Variants in SANBR observed in about 807,000 individuals in gnomAD.
SANBR encodes SANT and BTB domain regulator of class switch recombination.
Under a neutral mutation model 101.8 loss-of-function variants are expected in SANBR, and 77 were observed. That is an observed-to-expected ratio of 0.76 (90% CI 0.63 to 0.91). The LOEUF (loss-of-function observed/expected upper bound fraction) is 0.91. SANBR is among the 40% of genes least tolerant of loss of function. The pLI, the probability that SANBR is intolerant of heterozygous loss-of-function variation, is 0.00. For synonymous variants in SANBR, 279 were observed against 274.7 expected (o/e 1.02, Z -0.15); for missense variants, 875 against 853.0 (o/e 1.03, Z -0.32).
chr2:61,119,604 G>A (rs1438950715), intron 20 of SANBR, among the ~76,000 whole-genome samples: 2 of 152,076 alleles, frequency 1.3e-5, no homozygotes, highest in Non-Finnish European at 2.9e-5. Context: ...TGCCAGATAA[G>A]CATATATCAT....
At chr2:61,106,483 C>T (rs2104938107) in intron 13 of SANBR, 80 bp from the exon 14 acceptor site, 2 of 837,488 alleles carry the variant, frequency 2.4e-6, no homozygotes, top group East Asian at 3.5e-5. Context: ...ATTTTTGAAA[C>T]ATTTGTAATA....
chr2:61,106,390 CAAAAAAAAAAA>C (rs11364653), intron 13 of SANBR, among the ~76,000 whole-genome samples, 162 bp from the exon 14 acceptor site: 1 of 63,262 alleles, frequency 1.6e-5, no homozygotes, highest in Non-Finnish European at 2.8e-5. Flanking sequence ...GACTCCATCT[CAAAAAAAAAAA>C]AAAAAAAAAA....
chr2:61,113,871 G>A (rs1308460013), intron 16 of SANBR, among the ~76,000 whole-genome samples: 1 of 152,202 alleles, frequency 6.6e-6, no homozygotes, highest in Non-Finnish European at 1.5e-5. Flanking sequence ...AATGTCAGTT[G>A]TCAGCTTCCC....
intron 16 of SANBR, among the ~76,000 whole-genome samples, chr2:61,114,953 G>A (rs1684004352): frequency 2.0e-5 from 3 of 152,154 alleles, no homozygotes; most frequent in Admixed American, 1.3e-4. Flanking sequence ...CACCATGCCT[G>A]GGCTTACTTG....
chr2:61,085,606 G>A (rs551946143), intron 8 of SANBR, among the ~76,000 whole-genome samples: 1 of 151,896 alleles, frequency 6.6e-6, no homozygotes. Context: ...CGCCTCCCAG[G>A]TTCAAGCAAT....
intron 15 of SANBR, 138 bp downstream of exon 15, chr2:61,108,487 G>A (rs1014499403): frequency 1.8e-6 from 1 of 541,436 alleles, no homozygotes; most frequent in African/African-American, 2.0e-5. Context: ...CTCCTATTTT[G>A]CACTTAAGTA....
At chr2:61,073,174 C>T (rs1235668506) in intron 4 of SANBR, among the ~76,000 whole-genome samples, 2 of 152,158 alleles carry the variant, frequency 1.3e-5, no homozygotes, top group Non-Finnish European at 2.9e-5. Context: ...AAAGAGAAAA[C>T]TATGCTGTTG....
intron 21 of SANBR, among the ~76,000 whole-genome samples, chr2:61,136,373 G>T (rs960004159): frequency 6.6e-6 from 1 of 151,714 alleles, no homozygotes; most frequent in African/African-American, 2.4e-5. Context: ...AGTGGCTCAC[G>T]CCTGTAATCC....
intron 11 of SANBR, among the ~76,000 whole-genome samples, chr2:61,092,919 G>A (rs535820440): frequency 7.2e-5 from 11 of 151,872 alleles, no homozygotes; most frequent in Admixed American, 7.2e-4. Context: ...GGATCACGAG[G>A]TCAGGAAATC....
intron 6 of SANBR, among the ~76,000 whole-genome samples, chr2:61,078,429 CT>C (rs35240642): frequency 3.4e-5 from 5 of 148,914 alleles, no homozygotes; most frequent in African/African-American, 4.9e-5. Context: ...ACTCTTTACT[CT>C]TTTTTTTTTG....
Position 61,123,828 on chromosome 2 carries a change from A to C in SANBR, c.*1666A>C, listed in dbSNP as rs1211495595. On this transcript the variant is annotated 3_prime_UTR_variant, in exon 22 of 22. Transcript: ENST00000402291. ...TGCTTTTGGCCAGGTGTAGTGGCTC[A>C]CGCCAGTAATCCCAGCACTTTGGGA... 1 of 979,932 alleles carries C rather than the reference A, an allele frequency of 1.0e-6. No individual in the cohort carries two copies. 60.7% of individuals were successfully genotyped at this position (979,932 alleles called of 1,614,324 possible). A position where few individuals can be genotyped will look rare whatever the true frequency, so the allele number is the denominator to read the frequency against.
chr2:61,112,933 G>T (rs1416144227), intron 16 of SANBR, among the ~76,000 whole-genome samples: 1 of 152,182 alleles, frequency 6.6e-6, no homozygotes, highest in African/African-American at 2.4e-5. Flanking sequence ...ATTTTCTGCT[G>T]TGTTTTCTTC....
At chr2:61,134,272 A>G (rs756391424) in exon 21 of SANBR, 2 of 1,555,644 alleles carry the variant, frequency 1.3e-6, no homozygotes, top group South Asian at 1.2e-5. Context: ...ACTGCTTGAC[A>G]TATCGTAAGT....
Position 61,092,574 on chromosome 2 carries a change from C to G in SANBR, c.1199C>G (p.Ser400Ter). ...LWGTINWLTC[S>*]RCYQAFLCIE... ...GGAACAATCAATTGGCTGACTTGTT[C>G]AAGATGTTATCAGGTAAGATTTTTT... The change falls in exon 11 of 22, where the codon TCA (serine) becomes TGA (stop). Residue 400 changes from serine to a stop codon, truncating the protein, a stop_gained. Transcript: ENST00000402291. LOFTEE classifies it high-confidence loss of function. The G allele has an allele frequency of 6.3e-7, 1 of 1,586,094 alleles. No individual in the cohort carries two copies.
chr2:61,088,420 GA>G lies in SANBR; in HGVS notation c.1045del (p.Ile349SerfsTer14). On this transcript the variant is annotated frameshift_variant, in exon 10 of 22. Transcript: ENST00000402291. LOFTEE classifies it high-confidence loss of function. ...ETERRIPCIP[G>X]KINVDRRGNI... ...GAAAGAAGAATTCCTTGCATTCCTG[GA>G]AAAATCAATGTGGATCGACGTGGAA... 1 of 1,608,996 alleles carries G rather than the reference GA, an allele frequency of 6.2e-7. No homozygotes were observed. Among genetic ancestry groups the G allele is most frequent in the Non-Finnish European group, 8.5e-7 (1 of 1,178,002 alleles).
chr2:61,078,949 G>GAAT (rs969864897), intron 6 of SANBR, among the ~76,000 whole-genome samples: 1 of 151,842 alleles, frequency 6.6e-6, no homozygotes, highest in Non-Finnish European at 1.5e-5. Flanking sequence ...TGAGGCATGA[G>GAAT]AATTGCACGA....
At chr2:61,118,255 CTTTGAGATGGAGT>C in intron 20 of SANBR, 139 bp downstream of exon 20, 1 of 663,866 alleles carries the variant, frequency 1.5e-6, no homozygotes, top group Admixed American at 3.1e-5. Context: ...TTGTTTTTTT[CTTTGAGATGGAGT>C]TTTGCTCTTG....
intron 21 of SANBR, among the ~76,000 whole-genome samples, chr2:61,135,123 G>A (rs77615828): frequency 0.026 from 3,908 of 152,278 alleles, 167 homozygotes; most frequent in African/African-American, 0.09. Context: ...TCGGGAAGGC[G>A]GAGGTTGCAG....
chr2:61,078,561 A>G (rs367605969), intron 6 of SANBR, among the ~76,000 whole-genome samples: 2 of 151,498 alleles, frequency 1.3e-5, no homozygotes, highest in African/African-American at 4.8e-5. Context: ...AGCTGGGATT[A>G]CAGGTGCATG....
Sources: allele counts gnomAD v4.1 joint callset (sites outside exome capture counted in the v4.1 genomes callset), GRCh38; gene constraint gnomAD v4.1.1; transcripts MANE v1.5; gene names NCBI Gene and HGNC (gene_info 2026-07-23, HGNC 2026-07-21).